WDPCP: variants seen among roughly 807,000 people sequenced by gnomAD.
WDPCP encodes WD repeat containing planar cell polarity effector, also known as WD repeat-containing and planar cell polarity effector protein fritz homolog.
A neutral mutation model predicts 93.1 loss-of-function variants in WDPCP; 71 were observed. The observed-to-expected ratio is 0.76, with a 90% CI of 0.63 to 0.93. The LOEUF (loss-of-function observed/expected upper bound fraction) is 0.93, where lower values mean the gene tolerates loss of function less well. WDPCP is among the 40% of genes least tolerant of loss of function. WDPCP has a pLI of 0.00. For missense variants in WDPCP, 844 were observed against 887.4 expected (o/e 0.95, Z 0.62); for synonymous variants, 315 against 315.0 (o/e 1.00, Z 0.00).
chr2:63,243,954 C>T (rs1680066128), intron 14 of WDPCP, among the ~76,000 whole-genome samples: 1 of 151,952 alleles, frequency 6.6e-6, no homozygotes, highest in Non-Finnish European at 1.5e-5. Flanking sequence ...CTAGGATTGA[C>T]CACATAGGAT....
intron 2 of WDPCP, among the ~76,000 whole-genome samples, chr2:63,723,451 G>C (rs983418247): frequency 1.3e-5 from 2 of 151,988 alleles, no homozygotes; most frequent in Non-Finnish European, 2.9e-5. Context: ...AGCTCTTTTA[G>C]AATCTTATAA....
At chr2:63,622,716 A>G in intron 3 of WDPCP, 11 of 1,613,564 alleles carry the variant, frequency 6.8e-6, no homozygotes, top group South Asian at 3.3e-5. Context: ...CCGGTGTACT[A>G]TGTCTTCCGT....
intron 9 of WDPCP, among the ~76,000 whole-genome samples, chr2:63,419,082 C>T (rs751946497): frequency 6.6e-6 from 1 of 152,114 alleles, no homozygotes; most frequent in Non-Finnish European, 1.5e-5. Flanking sequence ...CCTAAAAGTC[C>T]TGGGATTTCC....
At chr2:63,209,742 C>T (rs1421890888) in intron 14 of WDPCP, among the ~76,000 whole-genome samples, 2 of 152,052 alleles carry the variant, frequency 1.3e-5, no homozygotes, top group African/African-American at 4.8e-5. Context: ...TTAGTAAAAA[C>T]AAGGAATAAT....
chr2:63,530,250 A>C (rs561398920), intron 1 of WDPCP, among the ~76,000 whole-genome samples: 1 of 151,978 alleles, frequency 6.6e-6, no homozygotes, highest in African/African-American at 2.4e-5. Context: ...TAGCTTGTGA[A>C]TGTGTTTGCT....
rs1709971173 is a variant in WDPCP, at chr2:63,640,658, GA to G, written n.488+10000del. 2.0e-5 allele frequency among the ~76,000 whole-genome samples: 3 copies of G among 152,102 alleles called. No individual in the cohort carries two copies. In the South Asian group the frequency reaches 6.2e-4, roughly 32 times the overall value. On this transcript the variant is annotated intron_variant and non_coding_transcript_variant, in intron 3 of 4. Transcript: ENST00000467687. ...ATGGAATACTACTTGACAATAAAAA[GA>G]AATAAAATATTTTGTTTGTATTTTT...
At chr2:63,647,358 A>T (rs262481) in intron 3 of WDPCP, among the ~76,000 whole-genome samples, 1 of 151,902 alleles carries the variant, frequency 6.6e-6, no homozygotes, top group Non-Finnish European at 1.5e-5. Flanking sequence ...TTGGTCTTGA[A>T]CTCCTGACCT....
intron 6 of WDPCP, among the ~76,000 whole-genome samples, chr2:63,452,728 CT>C (rs1157786203): frequency 1.3e-5 from 2 of 152,210 alleles, no homozygotes; most frequent in African/African-American, 4.8e-5. Context: ...CAGTATGGTA[CT>C]GGTACCAAAA....
intron 3 of WDPCP, among the ~76,000 whole-genome samples, chr2:63,619,423 G>A (rs923344194): frequency 3.9e-5 from 6 of 152,118 alleles, no homozygotes; most frequent in African/African-American, 1.2e-4. Flanking sequence ...TCTAAAATGA[G>A]CCTTCCTCTT....
At chr2:63,572,019 G>C (rs1427048902) in intron 1 of WDPCP, among the ~76,000 whole-genome samples, 1 of 152,090 alleles carries the variant, frequency 6.6e-6, no homozygotes, top group Non-Finnish European at 1.5e-5. Flanking sequence ...TAACAGAAAG[G>C]AAAATTACTG....
intron 2 of WDPCP, among the ~76,000 whole-genome samples, chr2:63,780,770 T>C (rs1403762025): frequency 6.6e-6 from 1 of 152,196 alleles, no homozygotes; most frequent in African/African-American, 2.4e-5. Flanking sequence ...ATGCACAGCT[T>C]GGAGAACAAC....
chr2:63,177,033 G>A (rs1673863127), intron 14 of WDPCP, among the ~76,000 whole-genome samples: 1 of 152,138 alleles, frequency 6.6e-6, no homozygotes, highest in Non-Finnish European at 1.5e-5. Context: ...GCATTGAATG[G>A]TGTTGACATC....
At chr2:63,230,348 G>A (rs1167253697) in intron 14 of WDPCP, among the ~76,000 whole-genome samples, 1 of 152,024 alleles carries the variant, frequency 6.6e-6, no homozygotes, top group African/African-American at 2.4e-5. Context: ...ATGGACATTT[G>A]GGTTGGTTCC....
At chr2:63,546,770 A>T (rs1705181450) in intron 1 of WDPCP, among the ~76,000 whole-genome samples, 1 of 152,192 alleles carries the variant, frequency 6.6e-6, no homozygotes, top group Non-Finnish European at 1.5e-5. Context: ...TATCATGAAA[A>T]AGAACCAGTA....
upstream of WDPCP, chr2:63,590,200 C>G (rs1709156657): frequency 6.6e-6 from 1 of 152,214 alleles, no homozygotes; most frequent in Non-Finnish European, 1.5e-5. Context: ...TACTTATTAT[C>G]TGATAACCTT....
intron 6 of WDPCP, among the ~76,000 whole-genome samples, chr2:63,460,121 G>C (rs892937652): frequency 1.3e-5 from 2 of 152,154 alleles, no homozygotes; most frequent in East Asian, 3.8e-4. Flanking sequence ...AGAAAATGTG[G>C]TGTATATAAC....
At position 63,120,550 on chromosome 2, in the gene WDPCP, G is replaced by A. The variant is rs1186141461; in HGVS notation, c.*1456C>T. Among the ~76,000 whole-genome samples the A allele has an allele frequency of 1.4e-5, 2 of 138,912 alleles. No individual in the cohort carries two copies. The highest frequency in any genetic ancestry group is 7.4e-5 in the Admixed American group (1 of 13,446). 91.1% of individuals were successfully genotyped at this position (138,912 alleles called of 152,430 possible). A position where few individuals can be genotyped will look rare whatever the true frequency, so the allele number is the denominator to read the frequency against. On this transcript the variant is annotated 3_prime_UTR_variant, in exon 18 of 18. Transcript: ENST00000272321. ...TTTTTTTTTTTTTTTTTTTTGCAAC[G>A]GAGTCTTACTTTGTCACCCAGGCTG...
chr2:63,823,591 A>G (rs1234865347), intron 1 of WDPCP, among the ~76,000 whole-genome samples: 2 of 152,318 alleles, frequency 1.3e-5, no homozygotes, highest in East Asian at 3.9e-4. Context: ...CACTAGAGTA[A>G]CATTTTGTTG....
intron 14 of WDPCP, among the ~76,000 whole-genome samples, chr2:63,182,212 T>C (rs1040145770): frequency 2.6e-5 from 4 of 152,122 alleles, no homozygotes; most frequent in Admixed American, 6.5e-5. Flanking sequence ...GTGGTCATCA[T>C]TGTCTTGTTC....
Sources: allele counts gnomAD v4.1 joint callset (sites outside exome capture counted in the v4.1 genomes callset), GRCh38; gene constraint gnomAD v4.1.1; transcripts MANE v1.5; gene names NCBI Gene and HGNC (gene_info 2026-07-23, HGNC 2026-07-21).